Variants in DDX24 observed in about 807,000 individuals in gnomAD.
DDX24 encodes the protein DEAD-box helicase 24.
In DDX24, 24 loss-of-function variants were observed where a neutral mutation model predicts 68.9. The ratio of observed to expected loss-of-function variants is 0.35; its 90% CI spans 0.25 to 0.49. The LOEUF (loss-of-function observed/expected upper bound fraction) is 0.49. DDX24 is among the 20% of genes least tolerant of loss of function. DDX24 has a pLI of 0.99. For missense variants in DDX24, 989 were observed against 1,039.0 expected, an observed-to-expected ratio of 0.95 and a Z score of 0.66; for synonymous variants, 395 against 385.2, an observed-to-expected ratio of 1.03 and a Z score of -0.30.
At chr14:94,079,867 A>G in intron 1 of DDX24, 120 bp from the exon 2 acceptor site, 1 of 896,580 alleles carries the variant, frequency 1.1e-6, no homozygotes, top group Non-Finnish European at 1.7e-6. Flanking sequence ...GATGGCTATC[A>G]CACAGTTGCT....
intron 2 of DDX24, among the ~76,000 whole-genome samples, chr14:94,063,345 C>G (rs1415448972): frequency 6.6e-6 from 1 of 152,028 alleles, no homozygotes; most frequent in African/African-American, 2.4e-5. Flanking sequence ...AGAAGAACAG[C>G]AGACTTATCA....
rs770419367 is a variant in DDX24 at position 94,062,260 on chromosome 14, A to T, written c.1080T>A (p.Asn360Lys). Residue 360 changes from asparagine to lysine, a missense_variant, in exon 3 of 9, where the codon AAT becomes AAA. Transcript: ENST00000621632. ...GATTTCCAGTCTGCTCTTTATCAAG[A>T]TTTTCCTCCTCATTCTCATTCTGTT... ...VPKQNENEEE[N>K]LDKEQTGNLK... 2.0e-5 allele frequency: 33 copies of T among 1,613,828 alleles called. 1 individual carries two copies. In the South Asian group the frequency reaches 3.3e-4, roughly 16 times the overall value.
Position 94,051,160 on chromosome 14 carries a change from C to A in DDX24, c.*31G>T, listed in dbSNP as rs376230067. ...TTTGCAAATAGCCAGAGAACAGAAA[C>A]CAATGTGCAGTCACTGACACACTTG... On this transcript the variant is annotated 3_prime_UTR_variant, in exon 9 of 9. Transcript: ENST00000621632. 3 of 1,490,156 alleles carry A rather than the reference C, an allele frequency of 2.0e-6. No individual in the cohort carries two copies. The highest frequency in any genetic ancestry group is 2.9e-5 in the African/African-American group (2 of 68,316). 92.3% of individuals were successfully genotyped at this position (1,490,156 alleles called of 1,614,324 possible). A position where few individuals can be genotyped will look rare whatever the true frequency, so the allele number is the denominator to read the frequency against.
intron 2 of DDX24, among the ~76,000 whole-genome samples, chr14:94,067,439 A>T (rs945887433): frequency 1.3e-5 from 2 of 152,226 alleles, no homozygotes; most frequent in Admixed American, 6.5e-5. Flanking sequence ...AAACTTCTCC[A>T]GCCTTGCTAG....
rs1425005904 is a variant in DDX24 at position 94,049,889 on chromosome 14, T to C, written c.*1302A>G. The C allele has an allele frequency of 6.9e-6, 1 of 145,534 alleles. No homozygotes were observed. The highest frequency in any genetic ancestry group is 1.5e-5 in the Non-Finnish European group (1 of 66,376). The allele number at this position is 145,534 out of a possible 1,614,324, so 9.0% of individuals were successfully genotyped here. A position where few individuals can be genotyped will look rare whatever the true frequency, so the allele number is the denominator to read the frequency against. On this transcript the variant is annotated 3_prime_UTR_variant, in exon 9 of 9. Transcript: ENST00000621632. ...CAACCTGGGCAATGGAGCAAGACCC[T>C]GTCTCAAAAAAAAAAGAAAATTATT...
intron 5 of DDX24, among the ~76,000 whole-genome samples, chr14:94,058,526 A>T (rs975793256): frequency 1.3e-5 from 2 of 152,176 alleles, no homozygotes; most frequent in Admixed American, 6.5e-5. Context: ...CTAGAATGTA[A>T]GCTTCATGAG....
Position 94,051,294 on chromosome 14 carries a change from C to T in DDX24, c.2477G>A (p.Ser826Asn). ...GGAGAGACAGCTCAAAGCAGACTCGCTCTTACTTGGGGCAGACACAAGCAG... is the reference window on the plus strand; with the variant it reads ...GGAGAGACAGCTCAAAGCAGACTCGTTCTTACTTGGGGCAGACACAAGCAG... Reference protein sequence around the residue: ...PPLLVSAPSKSESALSCLSKQ... With the variant: ...PPLLVSAPSKNESALSCLSKQ... Residue 826 changes from serine to asparagine, a missense_variant, in exon 9 of 9, where the codon AGC (serine) becomes AAC (asparagine). Ser to Asn is a conservative substitution (Grantham distance 46, BLOSUM62 1). Coordinates refer to ENST00000621632, the MANE Select transcript of DDX24 (RefSeq NM_020414.4). The T allele has an allele frequency of 6.2e-7, 1 of 1,612,746 alleles. No individual in the cohort carries two copies. Among genetic ancestry groups the T allele is most frequent in the Non-Finnish European group, 8.5e-7 (1 of 1,179,708 alleles).
rs145142452 is a variant in DDX24 at position 94,078,109 on chromosome 14, T to C, written c.718+916A>G. ...TTCCCTAAACAATACGGTGTAACAA[T>C]TTACATAAGACCTATGTTGTATGAG... On this transcript the variant is annotated intron_variant, in intron 2 of 8. Transcript: ENST00000621632. Among the ~76,000 whole-genome samples the C allele has an allele frequency of 6.6e-5, 10 of 152,248 alleles. No individual in the cohort carries two copies. The East Asian group carries it at 1.7e-3, about 26-fold the overall frequency.
intron 2 of DDX24, among the ~76,000 whole-genome samples, chr14:94,065,757 C>T (rs1291625627): frequency 1.3e-5 from 2 of 152,168 alleles, no homozygotes; most frequent in Non-Finnish European, 2.9e-5. Flanking sequence ...GGTCTGTTTG[C>T]AGGAGAAGTT....
intron 5 of DDX24, among the ~76,000 whole-genome samples, chr14:94,058,903 T>TAA (rs2141424625): frequency 6.6e-6 from 1 of 152,276 alleles, no homozygotes; most frequent in South Asian, 2.1e-4. Context: ...TGACAATACA[T>TAA]AAATGGGTCT....
Position 94,060,123 on chromosome 14 carries a change from G to A in DDX24, c.1888C>T (p.Leu630=). The change falls in exon 5 of 9, where the codon CTG becomes TTG. Residue 630 remains leucine, a synonymous_variant. Transcript: ENST00000621632. ...TCTTCCAGACGGGCAAACTGCTCCA[G>A]GTTTCTGAGCCTCTGCTTCTGGTGC... The part of the protein sequence containing the change: ...CMHQKQRLRN[L]EQFARLEDCV... 2 of 1,613,348 alleles carry A rather than the reference G, an allele frequency of 1.2e-6. No homozygotes were observed. Among genetic ancestry groups the A allele is most frequent in the Non-Finnish European group, 1.7e-6 (2 of 1,179,358 alleles).
At chr14:94,053,247 A>G in intron 7 of DDX24, 120 bp from the exon 8 acceptor site, 1 of 1,310,768 alleles carries the variant, frequency 7.6e-7, no homozygotes, top group Non-Finnish European at 1.0e-6. Context: ...CCCAGGCTGG[A>G]GAGCAGTGGC....
In DDX24 at chr14:94,060,601, C is replaced by T; in HGVS notation, c.1410G>A (p.Val470=). The T allele has an allele frequency of 6.2e-7, 1 of 1,612,942 alleles. No individual in the cohort carries two copies. The highest frequency in any genetic ancestry group is 8.5e-7 in the Non-Finnish European group (1 of 1,179,152). The change falls in exon 5 of 9, where the codon GTG becomes GTA. Residue 470 remains valine (V), a synonymous_variant. Transcript: ENST00000621632. Reference sequence around the variant, plus strand: ...TCTCAACCATCCGGTCAGCCTCATCCACTACCAGGCACCTGCAGATCCAGA... The same window carrying T: ...TCTCAACCATCCGGTCAGCCTCATCTACTACCAGGCACCTGCAGATCCAGA... ...RNLRQLRCLV[V]DEADRMVEKG...
chr14:94,073,651 T>G (rs911569611), intron 2 of DDX24, among the ~76,000 whole-genome samples: 2 of 152,180 alleles, frequency 1.3e-5, no homozygotes, highest in African/African-American at 2.4e-5. Context: ...AATAATAATC[T>G]AATATTTTAA....
At chr14:94,053,152 T>G (rs1885421720) in intron 7 of DDX24, 25 bp from the exon 8 acceptor site, 6 of 1,613,786 alleles carry the variant, frequency 3.7e-6, no homozygotes, top group Middle Eastern at 1.7e-4. Context: ...CAGAAAATAT[T>G]CATCTGAAAT....
At chr14:94,053,157 T>C (rs1197287435) in intron 7 of DDX24, 30 bp from the exon 8 acceptor site, 4 of 1,613,704 alleles carry the variant, frequency 2.5e-6, no homozygotes, top group Non-Finnish European at 3.4e-6. Flanking sequence ...AATATTCATC[T>C]GAAATAGAGT....
chr14:94,077,465 TAAC>T (rs1885966776), intron 2 of DDX24, among the ~76,000 whole-genome samples: 2 of 152,226 alleles, frequency 1.3e-5, no homozygotes, highest in South Asian at 2.1e-4. Context: ...GCAGAATGCT[TAAC>T]AACACACAGA....
chr14:94,062,345 A>G lies in DDX24; in HGVS notation c.995T>C (p.Phe332Ser). 6.2e-7 allele frequency: 1 copy of G among 1,614,148 alleles called. No homozygotes were observed. The highest frequency in any genetic ancestry group is 8.5e-7 in the Non-Finnish European group (1 of 1,180,024). The change falls in exon 3 of 9, where the codon TTT (phenylalanine) becomes TCT (serine). Residue 332 changes from phenylalanine (F) to serine (S), a missense_variant. Around this residue, in one of 3 missense-constraint regions of DDX24, gnomAD observed 691 missense variants for 760.0 expected, o/e 0.91. Transcript: ENST00000621632. ...CCCTTCACCAGCATCATCGTCACCA[A>G]AGAGCAACGCCTGGTCTGAGACAGT... is the stretch of plus-strand genomic sequence containing the variant. ...GGTVSDQALL[F>S]GDDDAGEGPS...
At chr14:94,063,236 A>C (rs918766265) in intron 2 of DDX24, among the ~76,000 whole-genome samples, 2 of 152,236 alleles carry the variant, frequency 1.3e-5, no homozygotes, top group African/African-American at 4.8e-5. Flanking sequence ...CAATTTTCAA[A>C]GGAAATAAGC....
Sources: gnomAD v4.1 joint callset for allele counts (sites outside exome capture counted in the v4.1 genomes callset) on GRCh38, gnomAD v4.1.1 for gene constraint, gnomAD v4.1.1 regional missense constraint, MANE v1.5 for transcripts, NCBI Gene and HGNC (gene_info 2026-07-23, HGNC 2026-07-21) for gene names.